Variants in EBF1 observed in about 807,000 individuals in gnomAD.
EBF1 encodes EBF transcription factor 1, also known as transcription factor COE1.
Under a neutral mutation model 68.4 loss-of-function variants are expected in EBF1, and 10 were observed. The ratio of observed to expected loss-of-function variants is 0.15; its 90% confidence interval spans 0.09 to 0.25. The LOEUF (loss-of-function observed/expected upper bound fraction) is 0.25, where lower values mean the gene tolerates loss of function less well. EBF1 is among the 10% of genes least tolerant of loss of function. The pLI is 1.00. For synonymous variants in EBF1, 298 were observed against 299.8 expected, an observed-to-expected ratio of 0.99 and a Z score of 0.06; for missense variants, 509 against 794.4, an observed-to-expected ratio of 0.64 and a Z score of 4.32.
chr5:158,733,356 C>T (rs1481739153), intron 10 of EBF1, among the ~76,000 whole-genome samples: 25 of 151,980 alleles, frequency 1.6e-4, no homozygotes, highest in Admixed American at 1.6e-3. Flanking sequence ...GAATTGTTGC[C>T]CCACCACTTC....
intron 8 of EBF1, among the ~76,000 whole-genome samples, chr5:158,821,600 T>C (rs1439664772): frequency 1.1e-4 from 16 of 152,192 alleles, no homozygotes; most frequent in African/African-American, 3.9e-4. Flanking sequence ...AGCAGCACTC[T>C]CCAAATCATG....
At chr5:158,980,571 T>C (rs1757695633) in intron 6 of EBF1, among the ~76,000 whole-genome samples, 1 of 152,212 alleles carries the variant, frequency 6.6e-6, no homozygotes, top group Non-Finnish European at 1.5e-5. Flanking sequence ...TGACAGTTCA[T>C]TAACAAATAT....
chr5:158,903,975 G>A (rs929745614), intron 6 of EBF1, among the ~76,000 whole-genome samples: 1 of 152,118 alleles, frequency 6.6e-6, no homozygotes, highest in African/African-American at 2.4e-5. Flanking sequence ...AATCTAGGGG[G>A]TGGAGGGTAC....
At chr5:159,085,922 G>A (rs1275140746) in intron 4 of EBF1, among the ~76,000 whole-genome samples, 3 of 152,100 alleles carry the variant, frequency 2.0e-5, no homozygotes, top group African/African-American at 7.2e-5. Flanking sequence ...GATCCTCAGA[G>A]AGAACTGTGG....
At chr5:159,095,580 T>C in intron 4 of EBF1, 40 bp downstream of exon 4, 1 of 1,610,926 alleles carries the variant, frequency 6.2e-7, no homozygotes, top group Non-Finnish European at 8.5e-7. Flanking sequence ...CTGAATTTTG[T>C]GACATAGAGC....
intron 6 of EBF1, among the ~76,000 whole-genome samples, chr5:159,049,643 G>A (rs1773139903): frequency 6.6e-6 from 1 of 152,220 alleles, no homozygotes; most frequent in Non-Finnish European, 1.5e-5. Context: ...TCCAGCCCCA[G>A]CCCCAGAATT....
intron 6 of EBF1, among the ~76,000 whole-genome samples, chr5:158,918,280 T>A (rs1027288609): frequency 6.6e-6 from 1 of 152,222 alleles, no homozygotes; most frequent in Non-Finnish European, 1.5e-5. Context: ...ATCATCTAGC[T>A]TCTCCCAAAA....
intron 6 of EBF1, among the ~76,000 whole-genome samples, chr5:159,014,830 G>A (rs952518169): frequency 2.6e-5 from 4 of 152,156 alleles, no homozygotes; most frequent in African/African-American, 9.7e-5. Context: ...CCATTCTGCT[G>A]CTAGGAATAT....
At chr5:158,942,261 G>A (rs144401990) in intron 6 of EBF1, among the ~76,000 whole-genome samples, 1 of 152,114 alleles carries the variant, frequency 6.6e-6, no homozygotes, top group Non-Finnish European at 1.5e-5. Context: ...CCCCTATCTG[G>A]TAATATACAA....
At chr5:159,032,014 T>C (rs577544922) in intron 6 of EBF1, among the ~76,000 whole-genome samples, 2 of 152,346 alleles carry the variant, frequency 1.3e-5, no homozygotes, top group East Asian at 3.9e-4. Context: ...TCTTCTAGGT[T>C]ACCTGGTGAA....
chr5:158,819,684 T>G (rs1388329324), intron 8 of EBF1, among the ~76,000 whole-genome samples: 1 of 152,186 alleles, frequency 6.6e-6, no homozygotes, highest in Admixed American at 6.5e-5. Flanking sequence ...GCTCATGCTT[T>G]TTCAAAAATT....
intron 6 of EBF1, among the ~76,000 whole-genome samples, chr5:158,993,053 C>T (rs1457901298): frequency 1.3e-5 from 2 of 148,408 alleles, no homozygotes; most frequent in Non-Finnish European, 3.0e-5. Flanking sequence ...CTTAGCCTTC[C>T]AAGTAGCCGG....
At chr5:158,719,929 A>G (rs936807820) in intron 11 of EBF1, among the ~76,000 whole-genome samples, 1 of 152,138 alleles carries the variant, frequency 6.6e-6, no homozygotes, top group Non-Finnish European at 1.5e-5. Flanking sequence ...GAAAAAAAAA[A>G]CTACAAGCAT....
chr5:158,986,771 A>G (rs746797938), intron 6 of EBF1: 4 of 152,226 alleles, frequency 2.6e-5, no homozygotes, highest in African/African-American at 4.8e-5. Context: ...CCAGATTTAT[A>G]TAATCTTTGC....
intron 6 of EBF1, among the ~76,000 whole-genome samples, chr5:158,966,684 G>A (rs909815030): frequency 4.6e-5 from 7 of 152,280 alleles, no homozygotes; most frequent in Middle Eastern, 3.4e-3. Context: ...CTGAAAGCAA[G>A]TTCCTTTTTG....
At chr5:159,075,409 G>A (rs1227514466) in intron 5 of EBF1, among the ~76,000 whole-genome samples, 2 of 152,174 alleles carry the variant, frequency 1.3e-5, no homozygotes, top group African/African-American at 4.8e-5. Context: ...GAGGAAAACT[G>A]CCGGTTGAGA....
chr5:159,019,364 CATT>C (rs772321644), intron 6 of EBF1, among the ~76,000 whole-genome samples: 8 of 152,202 alleles, frequency 5.3e-5, no homozygotes, highest in Non-Finnish European at 7.3e-5. Context: ...AAGTGTGTCA[CATT>C]ATATAACTAA....
At chr5:159,076,032 T>TG (rs1294839831) in intron 5 of EBF1, among the ~76,000 whole-genome samples, 2 of 142,136 alleles carry the variant, frequency 1.4e-5, no homozygotes, top group African/African-American at 2.7e-5. Flanking sequence ...AGGTTTTTCC[T>TG]GTTTTTTTTT....
At chr5:158,777,364 C>G in intron 10 of EBF1, 49 bp downstream of exon 10, 1 of 1,509,178 alleles carries the variant, frequency 6.6e-7, no homozygotes. Flanking sequence ...GGGGAAAGAC[C>G]CCACAAGACC....
Sources: gnomAD v4.1 joint callset for allele counts (sites outside exome capture counted in the v4.1 genomes callset) on GRCh38, gnomAD v4.1.1 for gene constraint, MANE v1.5 for transcripts, NCBI Gene and HGNC (gene_info 2026-07-23, HGNC 2026-07-21) for gene names.